FLNC: variants seen among roughly 807,000 people sequenced by gnomAD.
The protein encoded by FLNC is filamin C, also known as filamin-C.
In FLNC, 91 loss-of-function variants were observed where a neutral mutation model predicts 254.3. That is an observed-to-expected ratio of 0.36 (90% CI 0.30 to 0.43). The LOEUF is 0.43. Ranked by LOEUF, FLNC falls within the 20% of genes least tolerant of loss-of-function variation. The pLI is 1.00. For missense variants in FLNC, 2,853 were observed against 3,802.6 expected (o/e 0.75, Z 6.57); for synonymous variants, 1,430 against 1,577.2 (o/e 0.91, Z 2.21).
At chr7:128,853,643 G>A (rs745874131) in intron 38 of FLNC, 22 bp downstream of exon 38, 44 of 1,613,984 alleles carry the variant, frequency 2.7e-5, no homozygotes, top group Non-Finnish European at 3.3e-5. Flanking sequence ...GGCAGAGGTC[G>A]GTGGCGAGAG....
At chr7:128,848,269 C>G (rs1808648650) in intron 26 of FLNC, among the ~76,000 whole-genome samples, 2 of 152,142 alleles carry the variant, frequency 1.3e-5, no homozygotes, top group South Asian at 4.1e-4. Context: ...TACGGCAAAC[C>G]TAGCGCCTTA....
chr7:128,843,320 G>T lies in FLNC; in HGVS notation c.2641+1G>T. ...GAGGGCCCTGGGCTGAATCGCACAG[G>T]TGAGTGTCTGGGCAGGGGCTGGGAC... On this transcript the variant is annotated splice_donor_variant, in intron 17 of 47. Transcript: ENST00000325888. LOFTEE classifies it high-confidence loss of function. The T allele has an allele frequency of 6.2e-7, 1 of 1,613,180 alleles. No individual in the cohort carries two copies.
Position 128,844,922 on chromosome 7 carries a change from T to C in FLNC, c.3457T>C (p.Phe1153Leu). The change falls in exon 21 of 48, where the codon TTT (phenylalanine) becomes CTT (leucine). Residue 1153 changes from phenylalanine (F) to leucine (L), a missense_variant. By Grantham distance (22) the Phe-to-Leu change is conservative. This residue lies in a region of FLNC where 1,573 missense variants were observed against 1,883.5 expected (regional missense o/e 0.84). Coordinates refer to ENST00000325888, the MANE Select transcript of FLNC (RefSeq NM_001458.5). ...SPFKATIRPV[F>L]DPSKVRASGP... ...CTTCAAAGCCACCATTCGGCCTGTG[T>C]TTGACCCGAGCAAGGTGCGGGCCAG... is the stretch of plus-strand genomic sequence containing the variant. 10 of 1,613,930 alleles carry C rather than the reference T, an allele frequency of 6.2e-6. No homozygotes were observed. The highest frequency in any genetic ancestry group is 8.5e-6 in the Non-Finnish European group (10 of 1,180,040).
chr7:128,854,514 C>T lies in FLNC; in HGVS notation c.6829C>T (p.Arg2277Cys), dbSNP rs761696270. Reference sequence around the variant, plus strand: ...GGGCGAGGACAGCGCCTACAGCGTGCGCTTTGTGCCCCAGGAAATGGGGCC... The same window carrying T: ...GGGCGAGGACAGCGCCTACAGCGTGTGCTTTGTGCCCCAGGAAATGGGGCC... Reference protein sequence around the residue: ...VEGEDSAYSVRFVPQEMGPHT... With the variant: ...VEGEDSAYSVCFVPQEMGPHT... The change falls in exon 41 of 48, where the codon CGC becomes TGC. Residue 2277 changes from arginine (R) to cysteine (C), a missense_variant. By Grantham distance (180) the Arg-to-Cys change is radical. Transcript: ENST00000325888. The T allele has an allele frequency of 5.0e-6, 8 of 1,605,200 alleles. No homozygotes were observed. Among genetic ancestry groups the T allele is most frequent in the Admixed American group, 3.4e-5 (2 of 58,350 alleles).
At chr7:128,849,132 C>A in intron 28 of FLNC, 49 bp from the exon 29 acceptor site, 1 of 1,604,492 alleles carries the variant, frequency 6.2e-7, no homozygotes, top group South Asian at 1.1e-5. Flanking sequence ...GCCCAATGCC[C>A]CAGCCCACGT....
chr7:128,845,043 T>C lies in FLNC; in HGVS notation c.3578T>C (p.Leu1193Pro). 1 of 1,613,810 alleles carries C rather than the reference T, an allele frequency of 6.2e-7. No individual in the cohort carries two copies. Among genetic ancestry groups the C allele is most frequent in the Non-Finnish European group, 8.5e-7 (1 of 1,180,040 alleles). Residue 1193 changes from leucine to proline, a missense_variant, in exon 21 of 48, where the codon CTG (leucine) becomes CCG (proline). By Grantham distance (98) the Leu-to-Pro change is moderately conservative. This residue lies in a region of FLNC where 1,573 missense variants were observed against 1,883.5 expected (regional missense o/e 0.84). Transcript: ENST00000325888. ...GAGGCGGAGCTGACCATTGAGATCCTGTCGGATGCCGGGGTCAAGGCCGAG... is the reference window on the plus strand; with the variant it reads ...GAGGCGGAGCTGACCATTGAGATCCCGTCGGATGCCGGGGTCAAGGCCGAG... ...AGEAELTIEILSDAGVKAEVL... is the reference protein window; with the variant it reads ...AGEAELTIEIPSDAGVKAEVL...
chr7:128,850,722 C>T, intron 32 of FLNC, 81 bp from the exon 33 acceptor site: 1 of 1,596,086 alleles, frequency 6.3e-7, no homozygotes, highest in Non-Finnish European at 8.5e-7. Flanking sequence ...GCAGCAGAAG[C>T]ACTCAGGACC....
rs763127950 is a variant in FLNC, at chr7:128,840,689, C to T, written c.1676+15C>T. 5 of 1,612,720 alleles carry T rather than the reference C, an allele frequency of 3.1e-6. No individual in the cohort carries two copies. The East Asian group carries it at 6.7e-5, about 22-fold the overall frequency. On this transcript the variant is annotated intron_variant, in intron 10 of 47. Transcript: ENST00000325888. Reference sequence around the variant, plus strand: ...ATCCCTCGCAGGTGAGTACCTTGCGCCCCCCATGCTGTCCTGTCTAGGCCA... The same window carrying T: ...ATCCCTCGCAGGTGAGTACCTTGCGTCCCCCATGCTGTCCTGTCTAGGCCA...
intron 32 of FLNC, 97 bp from the exon 33 acceptor site, chr7:128,850,706 C>T (rs574041713): frequency 1.9e-5 from 29 of 1,556,386 alleles, no homozygotes; most frequent in South Asian, 5.7e-5. Flanking sequence ...CCTGGCTTCT[C>T]GGGTGGCAGC....
rs756318358 is a variant in FLNC at position 128,847,858 on chromosome 7, C to T, written c.4450C>T (p.Pro1484Ser). 6.2e-7 allele frequency: 1 copy of T among 1,613,834 alleles called. No individual in the cohort carries two copies. Among genetic ancestry groups the T allele is most frequent in the South Asian group, 1.1e-5 (1 of 91,058 alleles). Residue 1484 changes from proline to serine, a missense_variant, in exon 25 of 48, where the codon CCC becomes TCC. Pro to Ser is a moderately conservative substitution (Grantham distance 74). This residue lies in a region of FLNC where 1,573 missense variants were observed against 1,883.5 expected (regional missense o/e 0.84). Coordinates refer to ENST00000325888, the MANE Select transcript of FLNC (RefSeq NM_001458.5). ...GCCCCTGCAGGTGGCTGTGCTGGGC[C>T]CCACAGGTATAGAATGGCCGGGGCA... ...RAPLQVAVLG[P>S]TGVAEPVEVR...
At chr7:128,843,176 G>C (rs1808410662) in intron 16 of FLNC, 53 bp from the exon 17 acceptor site, 3 of 1,503,524 alleles carry the variant, frequency 2.0e-6, no homozygotes, top group South Asian at 2.4e-5. Context: ...ATCTAGCTGA[G>C]AGCAGGGGTG....
Position 128,846,401 on chromosome 7 carries a change from C to G in FLNC, c.4065C>G (p.Ala1355=), listed in dbSNP as rs1808570405. The G allele has an allele frequency of 1.9e-6, 3 of 1,609,790 alleles. No individual in the cohort carries two copies. Among genetic ancestry groups the G allele is most frequent in the Non-Finnish European group, 2.5e-6 (3 of 1,180,018 alleles). ...TEGCDPTRVR[A]FGPGLEGGLV... Reference sequence around the variant, plus strand: ...GCTGTGATCCCACCCGCGTCCGAGCCTTCGGGCCAGGCCTGGAGGGTGGCT... The same window carrying G: ...GCTGTGATCCCACCCGCGTCCGAGCGTTCGGGCCAGGCCTGGAGGGTGGCT... Residue 1355 remains alanine, a synonymous_variant, in exon 23 of 48, where the codon GCC becomes GCG. Transcript: ENST00000325888.
chr7:128,850,083 C>A lies in FLNC; in HGVS notation c.5298+9C>A, dbSNP rs747467446. The A allele has an allele frequency of 9.8e-6, 15 of 1,527,546 alleles. No homozygotes were observed. In the East Asian group the frequency reaches 3.4e-4, roughly 35 times the overall value. The allele number at this position is 1,527,546 out of a possible 1,614,324, so 94.6% of individuals were successfully genotyped here. A position where few individuals can be genotyped will look rare whatever the true frequency, so the allele number is the denominator to read the frequency against. ...CCCGCCCCACACACTGGGTACTGCG[C>A]CTCCCACCAGGCGATGTCCTCCTCC... On this transcript the variant is annotated intron_variant, in intron 31 of 47. Transcript: ENST00000325888.
rs1808305980 is a variant in FLNC at position 128,840,951 on chromosome 7, C to T, written c.1794C>T (p.Gly598=). 6.2e-7 allele frequency: 1 copy of T among 1,601,002 alleles called. No homozygotes were observed. The highest frequency in any genetic ancestry group is 1.1e-5 in the South Asian group (1 of 89,646). ...CCGATTTTGTGGTGGAAGCCATTGG[C>T]ACCGAGGTGGGGACACTGGGTAAGT... ...KSADFVVEAI[G]TEVGTLGFSI... The change falls in exon 11 of 48, where the codon GGC becomes GGT. Residue 598 remains glycine, a synonymous_variant. Transcript: ENST00000325888.
Position 128,856,784 on chromosome 7 carries a change from T to A in FLNC, c.7424T>A (p.Val2475Asp). The change falls in exon 45 of 48, where the codon GTC (valine) becomes GAC (aspartate). Residue 2475 changes from valine (V) to aspartate (D), a missense_variant. Coordinates refer to ENST00000325888, the MANE Select transcript of FLNC (RefSeq NM_001458.5). The surrounding 1 kb of genome is among the most constrained non-coding windows in gnomAD (Gnocchi z 5.9). ...CGCTTCATCCCCCACGAGAATGGCG[T>A]CCACTCCATCGATGTCAAGTTCAAC... Reference protein sequence around the residue: ...TIRFIPHENGVHSIDVKFNGA... With the variant: ...TIRFIPHENGDHSIDVKFNGA... 1 of 1,614,106 alleles carries A rather than the reference T, an allele frequency of 6.2e-7. No homozygotes were observed. The highest frequency in any genetic ancestry group is 8.5e-7 in the Non-Finnish European group (1 of 1,180,002).
chr7:128,847,582 C>T, intron 24 of FLNC, 115 bp from the exon 25 acceptor site: 1 of 1,193,156 alleles, frequency 8.4e-7, no homozygotes, highest in Non-Finnish European at 1.2e-6. Flanking sequence ...CCATGTTGGT[C>T]TGGCTTCCCT....
At position 128,849,476 on chromosome 7, in the gene FLNC, C is replaced by T. The variant is rs1246194093; in HGVS notation, c.5097C>T (p.Asp1699=). ...ATGTGGATGTGGTTGAGAACCATGA[C>T]GGTACCTTTGACATCTACTACACAG... ...ELDVDVVENH[D]GTFDIYYTAP... is the part of the protein sequence containing the mutation. Residue 1699 remains aspartate (D), a synonymous_variant, in exon 30 of 48, where the codon GAC becomes GAT. Coordinates refer to ENST00000325888, the MANE Select transcript of FLNC (RefSeq NM_001458.5). The T allele has an allele frequency of 9.3e-6, 15 of 1,614,092 alleles. No individual in the cohort carries two copies. The highest frequency in any genetic ancestry group is 8.3e-5 in the Admixed American group (5 of 60,012).
intron 8 of FLNC, among the ~76,000 whole-genome samples, chr7:128,839,478 C>CTGGATG (rs1431807023): frequency 6.6e-6 from 1 of 152,156 alleles, no homozygotes; most frequent in Non-Finnish European, 1.5e-5. Flanking sequence ...TGCCATTTTT[C>CTGGATG]TGGATTCTGT....
chr7:128,841,593 C>T lies in FLNC; in HGVS notation c.2121+26C>T. The stretch of plus-strand genomic sequence containing the variant: ...GTAGGTCATTGTCCAGTCTCTGCTG[C>T]CCTTACTACCCATGGCAGGGACCCT... On this transcript the variant is annotated intron_variant, in intron 13 of 47. Coordinates refer to ENST00000325888, the MANE Select transcript of FLNC (RefSeq NM_001458.5). The surrounding 1 kb of genome is among the most constrained non-coding windows in gnomAD (Gnocchi z 4.3). The T allele has an allele frequency of 6.4e-7, 1 of 1,554,076 alleles. No homozygotes were observed. The highest frequency in any genetic ancestry group is 1.4e-5 in the African/African-American group (1 of 73,924).
Sources: allele counts gnomAD v4.1 joint callset (sites outside exome capture counted in the v4.1 genomes callset), GRCh38; gene constraint gnomAD v4.1.1; regional missense constraint gnomAD v4.1.1; non-coding constraint Gnocchi (gnomAD v3.1); transcripts MANE v1.5; gene names NCBI Gene and HGNC (gene_info 2026-07-23, HGNC 2026-07-21).